The following KCNN2 variants were observed in gnomAD, a reference collection of about 807,000 sequenced individuals.
The protein encoded by KCNN2 is potassium calcium-activated channel subfamily N member 2, also known as small conductance calcium-activated potassium channel protein 2.
In KCNN2, 24 loss-of-function variants were observed where a neutral mutation model predicts 55.5. That is an observed-to-expected ratio of 0.43 (90% CI 0.31 to 0.61). KCNN2 has a LOEUF of 0.61. Among genes scored for constraint, KCNN2 ranks in the 20% least tolerant of loss-of-function variants. The pLI, the probability that KCNN2 is intolerant of heterozygous loss-of-function variation, is 0.08. For missense variants in KCNN2, 754 were observed against 853.6 expected (o/e 0.88, Z 1.45); for synonymous variants, 431 against 336.1 (o/e 1.28, Z -3.09).
At position 114,216,856 on chromosome 5, in the gene KCNN2, C is replaced by G. The variant is rs75450623; in HGVS notation, c.-270-4624C>G. Among the ~76,000 whole-genome samples the G allele has an allele frequency of 4.4e-3, 662 of 152,066 alleles. 33 individuals carry two copies. In the East Asian group the frequency reaches 0.098, roughly 22 times the overall value. On this transcript the variant is annotated intron_variant, in intron 1 of 10. Coordinates refer to the KCNN2 transcript ENST00000512097. ...CTTTGTTCACAGATGACGTGATTATCTATGCAGAAAAAAATTTTTAAAAAC... is the reference window on the plus strand; with the variant it reads ...CTTTGTTCACAGATGACGTGATTATGTATGCAGAAAAAAATTTTTAAAAAC...
At chr5:114,188,025 C>G (rs1035503832) in intron 1 of KCNN2, among the ~76,000 whole-genome samples, 1 of 151,788 alleles carries the variant, frequency 6.6e-6, no homozygotes, top group Admixed American at 6.6e-5. Context: ...GTTGGTCAGG[C>G]TGGTCTTGAA....
intron 2 of KCNN2, among the ~76,000 whole-genome samples, chr5:114,264,677 C>G (rs566612400): frequency 1.3e-5 from 2 of 152,298 alleles, no homozygotes; most frequent in East Asian, 1.9e-4. Context: ...AGTTGGCATT[C>G]TAAGCAAACT....
At chr5:114,107,272 A>T (rs1287726069) in intron 1 of KCNN2, among the ~76,000 whole-genome samples, 1 of 149,764 alleles carries the variant, frequency 6.7e-6, no homozygotes, top group Non-Finnish European at 1.5e-5. Context: ...TTGAGCCAGT[A>T]CCATAGTGTT....
At chr5:114,232,892 G>C (rs1201052721) in intron 2 of KCNN2, among the ~76,000 whole-genome samples, 1 of 141,292 alleles carries the variant, frequency 7.1e-6, no homozygotes, top group Non-Finnish European at 1.5e-5. Flanking sequence ...GCTTATTACT[G>C]ATTTTCAGAG....
At chr5:114,453,198 A>G (rs1580856712) in intron 3 of KCNN2, among the ~76,000 whole-genome samples, 2 of 152,320 alleles carry the variant, frequency 1.3e-5, no homozygotes, top group Middle Eastern at 3.4e-3. Flanking sequence ...CTTACCACAT[A>G]GAAAACCCCA....
At chr5:114,446,860 C>T (rs986075592) in intron 3 of KCNN2, among the ~76,000 whole-genome samples, 15 of 152,262 alleles carry the variant, frequency 9.9e-5, no homozygotes, top group Non-Finnish European at 1.9e-4. Flanking sequence ...CGAGATCACA[C>T]CACTGCGCTC....
chr5:114,351,302 G>T (rs481248), intron 2 of KCNN2, among the ~76,000 whole-genome samples: 112,448 of 151,470 alleles, frequency 0.74, 42,057 homozygotes, highest in East Asian at 0.97. Context: ...GACCTTGTAT[G>T]TAGAAACCTG....
At chr5:114,343,364 T>G (rs2150037331) in intron 2 of KCNN2, among the ~76,000 whole-genome samples, 1 of 152,268 alleles carries the variant, frequency 6.6e-6, no homozygotes, top group Non-Finnish European at 1.5e-5. Flanking sequence ...TATACTATTT[T>G]CCAAGTTCTA....
intron 3 of KCNN2, among the ~76,000 whole-genome samples, chr5:114,441,788 C>G (rs1253137711): frequency 6.6e-6 from 1 of 152,084 alleles, no homozygotes; most frequent in African/African-American, 2.4e-5. Context: ...TAATATATGT[C>G]TCTAAAACAA....
At chr5:114,493,207 T>C (rs1747946021) in intron 6 of KCNN2, 196 bp from the exon 7 acceptor site, 1 of 668,480 alleles carries the variant, frequency 1.5e-6, no homozygotes, top group Non-Finnish European at 2.8e-6. Flanking sequence ...TCTCACTCTC[T>C]CCTTTCTTTT....
chr5:114,277,218 A>T (rs1338760545), intron 2 of KCNN2, among the ~76,000 whole-genome samples: 2 of 152,156 alleles, frequency 1.3e-5, no homozygotes, highest in Non-Finnish European at 2.9e-5. Context: ...TGTTAGTCTG[A>T]TGGGCTTTCC....
chr5:114,137,638 C>G (rs140877308), intron 1 of KCNN2, among the ~76,000 whole-genome samples: 1,750 of 152,148 alleles, frequency 0.012, 22 homozygotes, highest in Non-Finnish European at 0.015. Context: ...TTATATGAGA[C>G]TTGGAGAAGT....
At chr5:114,289,901 G>C (rs1220880918) in intron 2 of KCNN2, among the ~76,000 whole-genome samples, 1 of 151,992 alleles carries the variant, frequency 6.6e-6, no homozygotes, top group Non-Finnish European at 1.5e-5. Context: ...TTCATTTCTA[G>C]GCATTTTATT....
intron 2 of KCNN2, among the ~76,000 whole-genome samples, chr5:114,288,499 T>TATAC (rs1305284375): frequency 0.091 from 12,744 of 139,516 alleles, 704 homozygotes; most frequent in Middle Eastern, 0.18. Context: ...TATATATATA[T>TATAC]ACACACACAC....
At chr5:114,229,306 T>C (rs1293484558) in intron 2 of KCNN2, among the ~76,000 whole-genome samples, 1 of 151,828 alleles carries the variant, frequency 6.6e-6, no homozygotes, top group African/African-American at 2.4e-5. Context: ...TTTTTAACAT[T>C]TTCTTTTTTG....
intron 3 of KCNN2, among the ~76,000 whole-genome samples, chr5:114,418,452 C>T (rs546338982): frequency 4.6e-5 from 7 of 152,248 alleles, no homozygotes; most frequent in East Asian, 1.9e-4. Flanking sequence ...TCCATTTACT[C>T]TGCTGGAGCA....
intron 6 of KCNN2, chr5:114,489,109 A>C (rs772042165): frequency 7.9e-5 from 12 of 152,124 alleles, no homozygotes; most frequent in Non-Finnish European, 1.2e-4. Flanking sequence ...ATGCTGTGAT[A>C]GTTTTTATAG....
chr5:114,327,475 C>A (rs1039317362), intron 2 of KCNN2, among the ~76,000 whole-genome samples: 1 of 152,028 alleles, frequency 6.6e-6, no homozygotes, highest in Non-Finnish European at 1.5e-5. Context: ...AAAGCACAGA[C>A]AAAAGTCACA....
At chr5:114,395,828 T>A (rs1256454587) in intron 2 of KCNN2, among the ~76,000 whole-genome samples, 1 of 152,176 alleles carries the variant, frequency 6.6e-6, no homozygotes, top group Non-Finnish European at 1.5e-5. Context: ...TCCTCTTACG[T>A]CCTGACCTTC....
Sources: gnomAD v4.1 joint callset for allele counts (sites outside exome capture counted in the v4.1 genomes callset) on GRCh38, gnomAD v4.1.1 for gene constraint, MANE v1.5 for transcripts, NCBI Gene and HGNC (gene_info 2026-07-23, HGNC 2026-07-21) for gene names.